Variants in ADAM28 observed in about 807,000 individuals in gnomAD.
ADAM28 encodes ADAM metallopeptidase domain 28.
ADAM28 carries 105 observed loss-of-function variants against 101.2 expected under a neutral mutation model. The observed-to-expected ratio is 1.04, with a 90% CI of 0.89 to 1.22. The LOEUF is 1.22. ADAM28 is among the 50% of genes most tolerant of loss of function. ADAM28 has a pLI of 0.00. For missense variants in ADAM28, 1,028 were observed against 945.4 expected, an observed-to-expected ratio of 1.09 and a Z score of -1.15; for synonymous variants, 322 against 310.6, an observed-to-expected ratio of 1.04 and a Z score of -0.39.
At chr8:24,334,733 C>T (rs949172713) in intron 13 of ADAM28, among the ~76,000 whole-genome samples, 1 of 152,156 alleles carries the variant, frequency 6.6e-6, no homozygotes. Context: ...TGAAAACATA[C>T]CTGCTCCTGT....
chr8:24,349,793 A>G (rs905875914), intron 18 of ADAM28, 71 bp from the exon 19 acceptor site: 1 of 1,189,952 alleles, frequency 8.4e-7, no homozygotes, highest in Non-Finnish European at 1.2e-6. Flanking sequence ...CTAAGTAAAG[A>G]AACAAGGACT....
At chr8:24,342,871 T>C (rs1585714918) in intron 16 of ADAM28, 3 of 655,212 alleles carry the variant, frequency 4.6e-6, no homozygotes, top group East Asian at 6.2e-5. Context: ...TACAGTTGTT[T>C]GGATTTTTAA....
intron 5 of ADAM28, among the ~76,000 whole-genome samples, chr8:24,313,181 A>G (rs1452358453): frequency 6.6e-6 from 1 of 152,168 alleles, no homozygotes; most frequent in East Asian, 1.9e-4. Flanking sequence ...CTTCTCCTTA[A>G]TATGTCTTAT....
intron 10 of ADAM28, among the ~76,000 whole-genome samples, chr8:24,329,500 G>T (rs1813056085): frequency 6.6e-6 from 1 of 152,142 alleles, no homozygotes; most frequent in Admixed American, 6.6e-5. Context: ...CTATAGGCTG[G>T]ATTTCATGCA....
In ADAM28 at chr8:24,357,662, G is replaced by A. The variant is rs970992304; in HGVS notation, c.*3258G>A. ...ATAGCAATTAAAAAAATGAGATTTG[G>A]GGGGATGGACACAGAGCCAAACCAT... On this transcript the variant is annotated 3_prime_UTR_variant, in exon 23 of 23. Coordinates refer to ENST00000265769, the MANE Select transcript of ADAM28 (RefSeq NM_014265.6). The A allele has an allele frequency of 1.3e-5, 2 of 152,094 alleles. No homozygotes were observed. The highest frequency in any genetic ancestry group is 2.9e-5 in the Non-Finnish European group (2 of 68,014). The allele number at this position is 152,094 out of a possible 1,614,324, so 9.4% of individuals were successfully genotyped here. A position where few individuals can be genotyped will look rare whatever the true frequency, so the allele number is the denominator to read the frequency against.
At chr8:24,327,469 A>G (rs1304222548) in intron 10 of ADAM28, among the ~76,000 whole-genome samples, 1 of 152,108 alleles carries the variant, frequency 6.6e-6, no homozygotes, top group Non-Finnish European at 1.5e-5. Flanking sequence ...ACTGCCCAAC[A>G]TAATTTATAG....
intron 6 of ADAM28, among the ~76,000 whole-genome samples, chr8:24,317,084 C>T (rs2129279431): frequency 6.6e-6 from 1 of 151,968 alleles, no homozygotes; most frequent in East Asian, 1.9e-4. Flanking sequence ...ATCCCATGCT[C>T]ATGAATTAGA....
Position 24,335,549 on chromosome 8 carries a change from T to C in ADAM28, c.1475T>C (p.Val492Ala). ...SGNCPDDRFQ[V>A]NGFPCHHGKG... ...AATTGTCCTGATGATAGATTCCAAG[T>C]CAATGGCTTCCCTTGCCATCACGGG... Residue 492 changes from valine (V) to alanine (A), a missense_variant, in exon 14 of 23, where the codon GTC becomes GCC. Physicochemically the swap from Val to Ala is moderately conservative, Grantham distance 64 (BLOSUM62 0). Transcript: ENST00000265769. 6.2e-7 allele frequency: 1 copy of C among 1,614,152 alleles called. No homozygotes were observed. Among genetic ancestry groups the C allele is most frequent in the Non-Finnish European group, 8.5e-7 (1 of 1,180,004 alleles).
chr8:24,294,289 TTTTC>T (rs991846064), intron 1 of ADAM28, 94 bp downstream of exon 1: 1 of 1,424,464 alleles, frequency 7.0e-7, no homozygotes, highest in African/African-American at 1.4e-5. Context: ...ATTTTGACTT[TTTTC>T]TTTTTCTTTT....
chr8:24,344,012 T>A (rs1815113150), intron 18 of ADAM28, among the ~76,000 whole-genome samples: 2 of 152,222 alleles, frequency 1.3e-5, no homozygotes, highest in Admixed American at 1.3e-4. Context: ...TCACTTGTAT[T>A]CTGTTGTACT....
At chr8:24,337,042 A>G (rs1215517614) in intron 14 of ADAM28, among the ~76,000 whole-genome samples, 1 of 152,242 alleles carries the variant, frequency 6.6e-6, no homozygotes, top group Admixed American at 6.5e-5. Context: ...CCTAACTTGC[A>G]ATGCACTGTG....
At chr8:24,311,863 C>T (rs111923346) in intron 5 of ADAM28, among the ~76,000 whole-genome samples, 238 of 152,118 alleles carry the variant, frequency 1.6e-3, no homozygotes, top group African/African-American at 5.4e-3. Context: ...CTCAGCCTCT[C>T]GAGTAGCTGG....
intron 6 of ADAM28, 123 bp from the exon 7 acceptor site, chr8:24,320,113 C>A: frequency 1.4e-6 from 1 of 690,470 alleles, no homozygotes. Flanking sequence ...TGTTAAAATG[C>A]TAATATTGTC....
intron 15 of ADAM28, among the ~76,000 whole-genome samples, chr8:24,340,225 A>C (rs923168695): frequency 6.6e-6 from 1 of 152,206 alleles, no homozygotes; most frequent in African/African-American, 2.4e-5. Context: ...AATTTTACAC[A>C]TACCAAATAA....
chr8:24,320,003 C>T (rs1811658155), intron 6 of ADAM28, among the ~76,000 whole-genome samples: 1 of 151,710 alleles, frequency 6.6e-6, no homozygotes, highest in Non-Finnish European at 1.5e-5. Context: ...TAATTTAGAC[C>T]CCTTGATAAA....
chr8:24,331,000 T>A (rs775324472), intron 11 of ADAM28, 150 bp from the exon 12 acceptor site: 14 of 677,330 alleles, frequency 2.1e-5, no homozygotes, highest in Non-Finnish European at 2.8e-5. Flanking sequence ...AATTCGGGCA[T>A]GCAAATGAGC....
Position 24,329,980 on chromosome 8 carries a change from T to G in ADAM28, c.973-5T>G. On this transcript the variant is annotated splice_polypyrimidine_tract_variant and splice_region_variant and intron_variant, in intron 10 of 22. Transcript: ENST00000265769. ...GAGAATCTTTTTCTTCTTTCATACC[T>G]TTAGGACCACAGCGATAATCTTCTT... The G allele has an allele frequency of 6.2e-7, 1 of 1,611,440 alleles. No individual in the cohort carries two copies. The highest frequency in any genetic ancestry group is 8.5e-7 in the Non-Finnish European group (1 of 1,178,510).
intron 2 of ADAM28, among the ~76,000 whole-genome samples, chr8:24,309,256 C>A (rs1007124827): frequency 2.0e-5 from 3 of 152,136 alleles, no homozygotes; most frequent in African/African-American, 7.2e-5. Context: ...GATGGTTCTT[C>A]CTCACATTAC....
At chr8:24,331,455 T>C in intron 12 of ADAM28, 128 bp downstream of exon 12, 1 of 917,290 alleles carries the variant, frequency 1.1e-6, no homozygotes, top group Non-Finnish European at 1.6e-6. Context: ...CGCCCATTTG[T>C]AGGTATTTTC....
Sources: allele counts gnomAD v4.1 joint callset (sites outside exome capture counted in the v4.1 genomes callset), GRCh38; gene constraint gnomAD v4.1.1; transcripts MANE v1.5; gene names NCBI Gene and HGNC (gene_info 2026-07-23, HGNC 2026-07-21).